PIP5K1B: variants seen among roughly 807,000 people sequenced by gnomAD.
PIP5K1B encodes the protein phosphatidylinositol 4-phosphate 5-kinase type-1 beta.
In PIP5K1B, 42 loss-of-function variants were observed where a neutral mutation model predicts 67.0. That is an observed-to-expected ratio of 0.63 (90% CI 0.49 to 0.81). PIP5K1B has a LOEUF of 0.81. Among genes scored for constraint, PIP5K1B ranks in the 30% least tolerant of loss-of-function variants. The pLI, the probability that PIP5K1B is intolerant of heterozygous loss-of-function variation, is 0.00. For synonymous variants in PIP5K1B, 214 were observed against 231.4 expected, an observed-to-expected ratio of 0.92 and a Z score of 0.68; for missense variants, 459 against 646.3, an observed-to-expected ratio of 0.71 and a Z score of 3.14.
At chr9:68,914,542 C>T (rs1317873768) in intron 8 of PIP5K1B, among the ~76,000 whole-genome samples, 1 of 151,954 alleles carries the variant, frequency 6.6e-6, no homozygotes, top group South Asian at 2.1e-4. Flanking sequence ...GGTGAAACCC[C>T]GTCTCTACTA....
At chr9:68,777,281 A>G (rs945575) in intron 2 of PIP5K1B, among the ~76,000 whole-genome samples, 42,627 of 152,134 alleles carry the variant, frequency 0.28, 6,269 homozygotes, top group Admixed American at 0.33. Flanking sequence ...ACTCAGTACA[A>G]TGTGCCAGGC....
chr9:68,829,798 A>G (rs1172850864), intron 4 of PIP5K1B, among the ~76,000 whole-genome samples: 2 of 152,230 alleles, frequency 1.3e-5, no homozygotes, highest in African/African-American at 4.8e-5. Context: ...AGGATCAAAC[A>G]GTTTAACAGA....
rs141108146 is a variant in PIP5K1B at position 68,923,352 on chromosome 9, G to A, written c.1167G>A (p.Lys389=). 1.2e-5 allele frequency: 20 copies of A among 1,600,546 alleles called. No individual in the cohort carries two copies. Among genetic ancestry groups the A allele is most frequent in the African/African-American group, 2.7e-5 (2 of 74,340 alleles). Residue 389 remains lysine, a synonymous_variant, in exon 12 of 16, where the codon AAG becomes AAA. Coordinates refer to ENST00000265382, the MANE Select transcript of PIP5K1B (RefSeq NM_003558.4). ...GCTTTTATGCAGACAGATTTCTTAA[G>A]TTCATGAATTCCAGAGTTTTCAAGA... The part of the protein sequence containing the change: ...RPSFYADRFL[K]FMNSRVFKKI...
intron 4 of PIP5K1B, among the ~76,000 whole-genome samples, chr9:68,829,563 T>C (rs1248020895): frequency 6.6e-6 from 1 of 152,200 alleles, no homozygotes; most frequent in Admixed American, 6.5e-5. Context: ...ATGCAGAGGA[T>C]GGACCCCCAA....
chr9:68,925,346 G>A (rs1164188988), intron 12 of PIP5K1B, among the ~76,000 whole-genome samples: 1 of 152,112 alleles, frequency 6.6e-6, no homozygotes, highest in Non-Finnish European at 1.5e-5. Context: ...AGGTTCCCAC[G>A]AGGCCATGAG....
intron 2 of PIP5K1B, among the ~76,000 whole-genome samples, chr9:68,787,323 C>T (rs1017635458): frequency 2.0e-5 from 3 of 152,126 alleles, no homozygotes; most frequent in African/African-American, 4.8e-5. Context: ...TCACAGTCTT[C>T]GAGGGAAAAT....
intron 15 of PIP5K1B, among the ~76,000 whole-genome samples, chr9:68,995,422 T>G (rs144325209): frequency 6.6e-6 from 1 of 152,184 alleles, no homozygotes; most frequent in African/African-American, 2.4e-5. Flanking sequence ...GCTGGAAAAT[T>G]TTATTTTTTG....
At chr9:68,900,914 G>A (rs1385508301) in intron 8 of PIP5K1B, among the ~76,000 whole-genome samples, 1 of 152,094 alleles carries the variant, frequency 6.6e-6, no homozygotes, top group Non-Finnish European at 1.5e-5. Context: ...TAACAGCTAT[G>A]GGCATGTTTG....
At chr9:68,922,793 A>T (rs574254243) in intron 11 of PIP5K1B, among the ~76,000 whole-genome samples, 17 of 152,300 alleles carry the variant, frequency 1.1e-4, no homozygotes, top group Non-Finnish European at 2.5e-4. Context: ...GTCTCCTAGG[A>T]ATCCTCCTAG....
intron 12 of PIP5K1B, 74 bp downstream of exon 12, chr9:68,923,460 G>T: frequency 4.1e-6 from 3 of 733,080 alleles, no homozygotes; most frequent in Non-Finnish European, 4.6e-6. Context: ...GATTTTTATT[G>T]GAAGAACTAA....
intron 13 of PIP5K1B, among the ~76,000 whole-genome samples, chr9:68,939,040 A>C (rs901028242): frequency 6.6e-6 from 1 of 152,266 alleles, no homozygotes; most frequent in Non-Finnish European, 1.5e-5. Context: ...TTGCTAGGTC[A>C]CATCACATAG....
At chr9:68,789,339 C>T (rs573540733) in intron 2 of PIP5K1B, 6 of 384,432 alleles carry the variant, frequency 1.6e-5, no homozygotes, top group East Asian at 1.3e-4. Flanking sequence ...CTTCTGATGC[C>T]GCATAAATCA....
At chr9:68,812,916 T>C (rs868441297) in intron 2 of PIP5K1B, among the ~76,000 whole-genome samples, 1 of 152,202 alleles carries the variant, frequency 6.6e-6, no homozygotes, top group African/African-American at 2.4e-5. Context: ...TTATGGAATT[T>C]TGAACAATGT....
intron 14 of PIP5K1B, among the ~76,000 whole-genome samples, chr9:68,948,367 C>T (rs1827899818): frequency 6.6e-6 from 1 of 152,192 alleles, no homozygotes; most frequent in Non-Finnish European, 1.5e-5. Flanking sequence ...AGTGATGGCT[C>T]ATGCCTCTAA....
At chr9:68,900,292 A>C (rs1825297415) in intron 8 of PIP5K1B, among the ~76,000 whole-genome samples, 1 of 152,224 alleles carries the variant, frequency 6.6e-6, no homozygotes, top group Admixed American at 6.5e-5. Context: ...AAATGTCTCA[A>C]AGGGCAAAGC....
intron 2 of PIP5K1B, chr9:68,781,198 T>G: frequency 1.2e-6 from 1 of 818,890 alleles, no homozygotes. Flanking sequence ...CAGGTTCCTT[T>G]GGATACCCTT....
At chr9:68,820,739 C>T (rs1330998805) in intron 3 of PIP5K1B, among the ~76,000 whole-genome samples, 1 of 152,100 alleles carries the variant, frequency 6.6e-6, no homozygotes, top group African/African-American at 2.4e-5. Flanking sequence ...AATTATGGTT[C>T]CCTAATTATG....
intron 4 of PIP5K1B, among the ~76,000 whole-genome samples, chr9:68,861,599 G>A (rs926625498): frequency 3.9e-5 from 6 of 152,140 alleles, no homozygotes; most frequent in East Asian, 1.9e-4. Flanking sequence ...GGTGCGGTGC[G>A]GGGGCTGCAG....
At chr9:68,904,106 C>T (rs1825496499) in intron 8 of PIP5K1B, among the ~76,000 whole-genome samples, 1 of 152,196 alleles carries the variant, frequency 6.6e-6, no homozygotes, top group Admixed American at 6.5e-5. Flanking sequence ...AGGAGAGGTT[C>T]AGCTTCCGCA....
Sources: allele counts gnomAD v4.1 joint callset (sites outside exome capture counted in the v4.1 genomes callset), GRCh38; gene constraint gnomAD v4.1.1; transcripts MANE v1.5; gene names NCBI Gene and HGNC (gene_info 2026-07-23, HGNC 2026-07-21).